EPHB1: variants seen among roughly 807,000 people sequenced by gnomAD.
EPHB1 encodes ephrin type-B receptor 1.
Under a neutral mutation model 94.4 loss-of-function variants are expected in EPHB1, and 30 were observed. The observed-to-expected ratio is 0.32, with a 90% CI of 0.24 to 0.43. EPHB1 has a LOEUF of 0.43. EPHB1 is among the 20% of genes least tolerant of loss of function. EPHB1 has a pLI of 1.00. For synonymous variants in EPHB1, 522 were observed against 489.1 expected (o/e 1.07, Z -0.89); for missense variants, 1,055 against 1,308.3 (o/e 0.81, Z 2.99).
At chr3:134,807,525 G>A (rs2036086470) in intron 1 of EPHB1, among the ~76,000 whole-genome samples, 1 of 122,328 alleles carries the variant, frequency 8.2e-6, no homozygotes, top group South Asian at 2.7e-4. Flanking sequence ...GTGTGTGTGT[G>A]CACGTGTGTG....
intron 3 of EPHB1, among the ~76,000 whole-genome samples, chr3:135,096,112 G>A (rs1938749031): frequency 6.6e-6 from 1 of 152,184 alleles, no homozygotes; most frequent in African/African-American, 2.4e-5. Context: ...CAAGTGAATT[G>A]TTGATGAAAA....
intron 1 of EPHB1, among the ~76,000 whole-genome samples, chr3:134,906,772 A>G (rs9870698): frequency 0.19 from 28,459 of 152,150 alleles, 3,624 homozygotes; most frequent in East Asian, 0.34. Flanking sequence ...GCCCTCTTGG[A>G]GAATGTGCTC....
intron 6 of EPHB1, among the ~76,000 whole-genome samples, chr3:135,155,987 G>A (rs1369418648): frequency 1.3e-5 from 2 of 151,864 alleles, no homozygotes; most frequent in African/African-American, 4.8e-5. Flanking sequence ...AAAGCAGAGG[G>A]CTGTTGAAAT....
chr3:135,056,531 A>G (rs1937356048), intron 3 of EPHB1, among the ~76,000 whole-genome samples: 1 of 152,264 alleles, frequency 6.6e-6, no homozygotes, highest in Non-Finnish European at 1.5e-5. Context: ...CAGCACTGGC[A>G]TGGAGACTCA....
intron 3 of EPHB1, among the ~76,000 whole-genome samples, chr3:135,105,587 T>A (rs1197909894): frequency 1.3e-5 from 2 of 152,158 alleles, no homozygotes; most frequent in African/African-American, 4.8e-5. Flanking sequence ...GAGGGATAGC[T>A]TGGAGCCAGA....
chr3:135,063,913 G>A (rs1182297482), intron 3 of EPHB1, among the ~76,000 whole-genome samples: 1 of 151,992 alleles, frequency 6.6e-6, no homozygotes, highest in East Asian at 1.9e-4. Flanking sequence ...AGAGATGCTG[G>A]ATTTTTTCGA....
intron 3 of EPHB1, among the ~76,000 whole-genome samples, chr3:134,979,145 G>T (rs957589712): frequency 3.3e-5 from 5 of 152,156 alleles, no homozygotes; most frequent in African/African-American, 1.2e-4. Context: ...TATTTAGAAT[G>T]GTACAGTGTC....
intron 2 of EPHB1, among the ~76,000 whole-genome samples, chr3:134,927,547 AT>A (rs535642191): frequency 2.3e-4 from 35 of 152,266 alleles, no homozygotes; most frequent in Admixed American, 1.4e-3. Flanking sequence ...GATATTAAGA[AT>A]TTGCCATCTT....
chr3:135,224,008 A>G (rs1943333142), intron 12 of EPHB1, among the ~76,000 whole-genome samples: 1 of 152,208 alleles, frequency 6.6e-6, no homozygotes, highest in Admixed American at 6.5e-5. Flanking sequence ...TGCTGCTCCC[A>G]TATTATATTA....
At chr3:135,227,834 T>C (rs1943436427) in intron 12 of EPHB1, among the ~76,000 whole-genome samples, 1 of 152,210 alleles carries the variant, frequency 6.6e-6, no homozygotes, top group Admixed American at 6.5e-5. Context: ...CTTTACCTAC[T>C]GTTATCATTT....
intron 12 of EPHB1, among the ~76,000 whole-genome samples, chr3:135,205,854 T>C (rs1942887672): frequency 6.6e-6 from 1 of 152,230 alleles, no homozygotes; most frequent in African/African-American, 2.4e-5. Flanking sequence ...CTCTAACATG[T>C]ATTTGTTTAT....
At chr3:134,919,860 G>A (rs2038646843) in intron 1 of EPHB1, among the ~76,000 whole-genome samples, 1 of 152,094 alleles carries the variant, frequency 6.6e-6, no homozygotes, top group Non-Finnish European at 1.5e-5. Context: ...GTGTGTGTGT[G>A]TGTGTATGCA....
intron 3 of EPHB1, among the ~76,000 whole-genome samples, chr3:134,953,666 A>G (rs576022175): frequency 6.6e-6 from 1 of 152,304 alleles, no homozygotes; most frequent in African/African-American, 2.4e-5. Context: ...GCCACACCAC[A>G]CTTGCTGGCT....
rs964498504 is a variant in EPHB1, at chr3:135,173,419, C to A, written c.1759+6413C>A. Among the ~76,000 whole-genome samples, 4 of 152,226 alleles carry A rather than the reference C, an allele frequency of 2.6e-5. No individual in the cohort carries two copies. The South Asian group carries it at 6.2e-4, about 24-fold the overall frequency. ...GTTCAGTAATAACTGGTTTTTGGGG[C>A]AGATCCCAAAAATGTGGTAAAACCC... On this transcript the variant is annotated intron_variant, in intron 9 of 15. Transcript: ENST00000398015.
At chr3:135,013,445 C>T (rs1393236564) in intron 3 of EPHB1, among the ~76,000 whole-genome samples, 1 of 152,208 alleles carries the variant, frequency 6.6e-6, no homozygotes, top group Non-Finnish European at 1.5e-5. Flanking sequence ...GCTATATCAC[C>T]ACCGCATACC....
chr3:134,996,184 A>C (rs1427326108), intron 3 of EPHB1, among the ~76,000 whole-genome samples: 3 of 152,110 alleles, frequency 2.0e-5, no homozygotes, highest in Non-Finnish European at 2.9e-5. Context: ...CTTAATGAAT[A>C]ATATTCTTTT....
At chr3:135,011,100 A>G (rs1935604322) in intron 3 of EPHB1, among the ~76,000 whole-genome samples, 2 of 152,160 alleles carry the variant, frequency 1.3e-5, no homozygotes, top group South Asian at 4.1e-4. Context: ...ATTTGTGTAC[A>G]TGGGGTTGCA....
At chr3:135,039,349 G>T (rs1936753973) in intron 3 of EPHB1, among the ~76,000 whole-genome samples, 1 of 152,358 alleles carries the variant, frequency 6.6e-6, no homozygotes, top group Non-Finnish European at 1.5e-5. Flanking sequence ...AGACTCAGGA[G>T]CCCAGCTGGC....
intron 3 of EPHB1, among the ~76,000 whole-genome samples, chr3:135,000,160 A>G (rs1935128961): frequency 6.6e-6 from 1 of 152,260 alleles, no homozygotes; most frequent in South Asian, 2.1e-4. Context: ...TGCCAGCTGG[A>G]TAAGAAAGCT....
Sources: gnomAD v4.1 joint callset for allele counts (sites outside exome capture counted in the v4.1 genomes callset) on GRCh38, gnomAD v4.1.1 for gene constraint, MANE v1.5 for transcripts, NCBI Gene and HGNC (gene_info 2026-07-23, HGNC 2026-07-21) for gene names.